The following ARHGEF40 variants were observed in gnomAD, a reference collection of about 807,000 sequenced individuals.
The protein encoded by ARHGEF40 is Rho guanine nucleotide exchange factor (GEF) 40.
Under a neutral mutation model 165.9 loss-of-function variants are expected in ARHGEF40, and 98 were observed. The observed-to-expected ratio is 0.59, with a 90% CI of 0.50 to 0.70. ARHGEF40 has a LOEUF of 0.70. Ranked by LOEUF, ARHGEF40 falls within the 30% of genes least tolerant of loss-of-function variation. The pLI is 0.00. For synonymous variants in ARHGEF40, 792 were observed against 814.3 expected (o/e 0.97, Z 0.47); for missense variants, 1,815 against 1,968.0 (o/e 0.92, Z 1.47).
At position 21,082,104 on chromosome 14, in the gene ARHGEF40, G is replaced by A. The variant is rs201070551; in HGVS notation, c.3236G>A (p.Arg1079His). 1.3e-5 allele frequency: 21 copies of A among 1,562,136 alleles called. No individual in the cohort carries two copies. In the East Asian group the frequency reaches 2.2e-4, roughly 16 times the overall value. Residue 1079 changes from arginine to histidine, a missense_variant, in exon 14 of 24, where the codon CGC (arginine) becomes CAC (histidine). Coordinates refer to ENST00000298694, the MANE Select transcript of ARHGEF40 (RefSeq NM_018071.5). ...GGAGTAGGCACCCCCCGGATGGAGC[G>A]CAAGCGAAGCATCAGGTGAGATCCC... ...PWGVGTPRMERKRSISAQQRL... is the reference protein window; with the variant it reads ...PWGVGTPRMEHKRSISAQQRL...
chr14:21,087,842 G>C, intron 21 of ARHGEF40, 126 bp from the exon 22 acceptor site: 1 of 1,336,226 alleles, frequency 7.5e-7, no homozygotes, highest in Non-Finnish European at 1.0e-6. Flanking sequence ...CTTGCAACTG[G>C]ATCGCTATGG....
At position 21,080,761 on chromosome 14, in the gene ARHGEF40, T is replaced by C. The variant is rs115276416; in HGVS notation, c.2475T>C (p.Arg825=). The C allele has an allele frequency of 1.2e-6, 2 of 1,608,940 alleles. No individual in the cohort carries two copies. The highest frequency in any genetic ancestry group is 2.7e-5 in the African/African-American group (2 of 74,972). ...SALQETELRF[R]AFSAEVQERL... ...TGCAGGAGACAGAGCTGCGATTCCG[T>C]GCTTTCAGCGCTGAGGTCCAGGTGA... The change falls in exon 12 of 24, where the codon CGT becomes CGC. Residue 825 remains arginine (R), a synonymous_variant. Transcript: ENST00000298694.
upstream of ARHGEF40, among the ~76,000 whole-genome samples, chr14:21,066,231 A>G (rs1202894113): frequency 6.6e-6 from 1 of 152,168 alleles, no homozygotes; most frequent in Non-Finnish European, 1.5e-5. Context: ...AAAAGGAGAG[A>G]TAGGCAGAAA....
Position 21,071,864 on chromosome 14 carries a change from G to A in ARHGEF40, c.4-1181G>A, listed in dbSNP as rs1245815614. On this transcript the variant is annotated intron_variant, in intron 1 of 23. Transcript: ENST00000298694. ...CCACACACCTTGGGGCCGGGTCTGC[G>A]CGCTGACGCACTGAATGTCCCGTCT... Among the ~76,000 whole-genome samples, 5 of 152,326 alleles carry A rather than the reference G, an allele frequency of 3.3e-5. No homozygotes were observed. The East Asian group carries it at 9.7e-4, about 29-fold the overall frequency.
At position 21,087,977 on chromosome 14, in the gene ARHGEF40, C is replaced by T. The variant is rs781548421; in HGVS notation, c.4397C>T (p.Thr1466Ile). Residue 1466 changes from threonine (T) to isoleucine (I), a missense_variant, in exon 22 of 24, where the codon ACA (threonine) becomes ATA (isoleucine). Physicochemically the swap from Thr to Ile is moderately conservative, Grantham distance 89 (BLOSUM62 -1). Coordinates refer to ENST00000298694, the MANE Select transcript of ARHGEF40 (RefSeq NM_018071.5). ...DVKQISLAPE[T>I]LDSSGDVSPG... ...CTAGCTTCCCCTTCAGCCCCAGAAACACTTGACTCTTCTGGAGATGTGTCC... is the reference window on the plus strand; with the variant it reads ...CTAGCTTCCCCTTCAGCCCCAGAAATACTTGACTCTTCTGGAGATGTGTCC... 6.2e-7 allele frequency: 1 copy of T among 1,614,060 alleles called. No individual in the cohort carries two copies. The highest frequency in any genetic ancestry group is 1.1e-5 in the South Asian group (1 of 91,084).
intron 16 of ARHGEF40, among the ~76,000 whole-genome samples, 169 bp downstream of exon 16, chr14:21,083,086 G>A (rs1279822363): frequency 6.6e-6 from 1 of 152,156 alleles, no homozygotes; most frequent in African/African-American, 2.4e-5. Flanking sequence ...GTGAGGCCAG[G>A]TTCTTATCCA....
At position 21,087,440 on chromosome 14, in the gene ARHGEF40, T is replaced by C. The variant is rs753309952; in HGVS notation, c.4364T>C (p.Leu1455Pro). Residue 1455 changes from leucine to proline, a missense_variant, in exon 21 of 24, where the codon CTG (leucine) becomes CCG (proline). Coordinates refer to ENST00000298694, the MANE Select transcript of ARHGEF40 (RefSeq NM_018071.5). ...PARVEEEAWD[L>P]DVKQISLAPE... ...CGCGTCGAGGAGGAGGCCTGGGATC[T>C]GGACGTCAAGCAAATTTCCCTGGGT... 3.1e-6 allele frequency: 5 copies of C among 1,600,904 alleles called. No homozygotes were observed. The highest frequency in any genetic ancestry group is 3.4e-6 in the Non-Finnish European group (4 of 1,179,934).
rs1037554918 is a variant in ARHGEF40 at position 21,082,474 on chromosome 14, G to C, written c.3482G>C (p.Arg1161Pro). Residue 1161 changes from arginine to proline, a missense_variant, in exon 15 of 24, where the codon CGC becomes CCC. Physicochemically the swap from Arg to Pro is moderately radical, Grantham distance 103 (BLOSUM62 -2). Transcript: ENST00000298694. ...CTACGCATTGGGGCCTGCTTCCTTC[G>C]CCACGTGAGTGATCCCCTCAACTTC... ...HPLRIGACFLRHGDQFSLYAQ... is the reference protein window; with the variant it reads ...HPLRIGACFLPHGDQFSLYAQ... 1 of 1,579,024 alleles carries C rather than the reference G, an allele frequency of 6.3e-7. No individual in the cohort carries two copies. The highest frequency in any genetic ancestry group is 1.4e-5 in the African/African-American group (1 of 73,838).
chr14:21,082,586 C>A (rs1888011353), intron 15 of ARHGEF40, 108 bp downstream of exon 15: 1 of 1,310,252 alleles, frequency 7.6e-7, no homozygotes, highest in South Asian at 1.5e-5. Context: ...CATGTGTGGT[C>A]CATGACCTTG....
rs750471592 is a variant in ARHGEF40, at chr14:21,087,958, T to TCC, written c.4388-7_4388-6dup. 1.8e-5 allele frequency: 29 copies of TCC among 1,613,704 alleles called. No homozygotes were observed. Among genetic ancestry groups the TCC allele is most frequent in the Admixed American group, 1.7e-5 (1 of 60,006 alleles). On this transcript the variant is annotated splice_polypyrimidine_tract_variant and intron_variant, in intron 21 of 23. Transcript: ENST00000298694. ...TCTGTACTCTGCTCTCACCCTAGCTTCCCCTTCAGCCCCAGAAACACTTGA... is the reference window on the plus strand; with the variant it reads ...TCTGTACTCTGCTCTCACCCTAGCTTCCCCCCTTCAGCCCCAGAAACACTTGA...
chr14:21,070,339 G>T lies in ARHGEF40; in HGVS notation c.-58G>T, dbSNP rs1001514789. 5.7e-6 allele frequency: 8 copies of T among 1,401,508 alleles called. No individual in the cohort carries two copies. The African/African-American group carries it at 1.2e-4, about 21-fold the overall frequency. 86.8% of individuals were successfully genotyped at this position (1,401,508 alleles called of 1,614,324 possible). On this transcript the variant is annotated 5_prime_UTR_variant, in exon 1 of 24. Transcript: ENST00000298694. This position sits in a 1 kb window ranked among gnomAD's most constrained non-coding sequence, Gnocchi z 4.7. ...AGACACGAGCGGCGGGAGGGAGGCGGTGGCGCGCCCGGCCCCGCCCGCCCG... is the reference window on the plus strand; with the variant it reads ...AGACACGAGCGGCGGGAGGGAGGCGTTGGCGCGCCCGGCCCCGCCCGCCCG...
chr14:21,081,448 T>C, intron 13 of ARHGEF40, 61 bp from the exon 14 acceptor site: 1 of 1,576,620 alleles, frequency 6.3e-7, no homozygotes, highest in Non-Finnish European at 8.6e-7. Context: ...CTGGGCATCC[T>C]TCGTGAGCAA....
Position 21,073,591 on chromosome 14 carries a change from AAC to A in ARHGEF40, c.202-339_202-338del, listed in dbSNP as rs1279601444. 2.0e-5 allele frequency among the ~76,000 whole-genome samples: 3 copies of A among 152,098 alleles called. No individual in the cohort carries two copies. The highest frequency in any genetic ancestry group is 4.4e-5 in the Non-Finnish European group (3 of 68,030). On this transcript the variant is annotated intron_variant, in intron 2 of 23. Coordinates refer to ENST00000298694, the MANE Select transcript of ARHGEF40 (RefSeq NM_018071.5). The surrounding 1 kb of genome is among the most constrained non-coding windows in gnomAD (Gnocchi z 4.6). ...ACACTAACTCCCCCGTACATTAGTC[AAC>A]AGAGATCATTCATTTCTACAGATAT...
upstream of ARHGEF40, among the ~76,000 whole-genome samples, chr14:21,069,744 G>T (rs1232925468): frequency 1.3e-5 from 2 of 152,200 alleles, no homozygotes; most frequent in Admixed American, 6.5e-5. Context: ...GGAATCCCCT[G>T]ATTTCCCGGC....
upstream of ARHGEF40, among the ~76,000 whole-genome samples, chr14:21,065,911 C>T (rs1363354672): frequency 2.6e-5 from 4 of 152,060 alleles, no homozygotes; most frequent in African/African-American, 7.2e-5. Flanking sequence ...CCAGCCTGGC[C>T]AACATGGTGA....
upstream of ARHGEF40, among the ~76,000 whole-genome samples, chr14:21,067,691 A>G (rs1886341593): frequency 6.6e-6 from 1 of 152,006 alleles, no homozygotes; most frequent in Non-Finnish European, 1.5e-5. Flanking sequence ...TTTCTCCCTT[A>G]TAACTTTACC....
In ARHGEF40 at chr14:21,074,952, G is replaced by A; in HGVS notation, c.1222G>A (p.Ala408Thr). The stretch of plus-strand genomic sequence containing the variant: ...ACTGAGCCCTGGGGACAAGGAAGAT[G>A]CCAGCCACCAAGAAGCCCTTGGCAA... The part of the protein sequence containing the change: ...APLSPGDKED[A>T]SHQEALGNLP... The change falls in exon 3 of 24, where the codon GCC becomes ACC. Residue 408 changes from alanine (A) to threonine (T), a missense_variant. By Grantham distance (58) the Ala-to-Thr change is moderately conservative. Transcript: ENST00000298694. This position sits in a 1 kb window ranked among gnomAD's most constrained non-coding sequence, Gnocchi z 4.8. The A allele has an allele frequency of 6.2e-7, 1 of 1,608,564 alleles. No homozygotes were observed. Among genetic ancestry groups the A allele is most frequent in the Non-Finnish European group, 8.5e-7 (1 of 1,177,908 alleles).
At position 21,080,706 on chromosome 14, in the gene ARHGEF40, T is replaced by G; in HGVS notation, c.2420T>G (p.Phe807Cys). 1 of 1,612,268 alleles carries G rather than the reference T, an allele frequency of 6.2e-7. No homozygotes were observed. The highest frequency in any genetic ancestry group is 8.5e-7 in the Non-Finnish European group (1 of 1,179,320). The change falls in exon 12 of 24, where the codon TTT (phenylalanine) becomes TGT (cysteine). Residue 807 changes from phenylalanine to cysteine, a missense_variant. By Grantham distance (205) the Phe-to-Cys change is radical. Transcript: ENST00000298694. ...CCAGGGGAGGAGCAGCTGGCAAGCT[T>G]TGCTATGCCTGGGGACACCTTGTCT... Reference protein sequence around the residue: ...SGPGEEQLASFAMPGDTLSAL... With the variant: ...SGPGEEQLASCAMPGDTLSAL...
At chr14:21,068,402 T>G (rs960402432), upstream of ARHGEF40, among the ~76,000 whole-genome samples, 6 of 150,322 alleles carry the variant, frequency 4.0e-5, no homozygotes, top group African/African-American at 1.5e-4. Flanking sequence ...TACCTAAGAG[T>G]AGTGAGCCTT....
Sources: gnomAD v4.1 joint callset for allele counts (sites outside exome capture counted in the v4.1 genomes callset) on GRCh38, gnomAD v4.1.1 for gene constraint, Gnocchi (gnomAD v3.1) non-coding constraint, MANE v1.5 for transcripts, NCBI Gene and HGNC (gene_info 2026-07-23, HGNC 2026-07-21) for gene names.